Variants in ROBO2 observed in about 807,000 individuals in gnomAD.
ROBO2 encodes the protein roundabout homolog 2.
ROBO2 carries 53 observed loss-of-function variants against 160.8 expected under a neutral mutation model. The observed-to-expected ratio is 0.33, with a 90% CI of 0.26 to 0.41. The LOEUF is 0.41. Among genes scored for constraint, ROBO2 ranks in the 10% least tolerant of loss-of-function variants. ROBO2 has a pLI of 1.00. For missense variants in ROBO2, 1,577 were observed against 1,722.4 expected (o/e 0.92, Z 1.49); for synonymous variants, 664 against 611.7 (o/e 1.09, Z -1.26).
intron 2 of ROBO2, among the ~76,000 whole-genome samples, chr3:77,210,788 T>C (rs2084037662): frequency 6.6e-6 from 1 of 151,284 alleles, no homozygotes; most frequent in Non-Finnish European, 1.5e-5. Context: ...CCTTCCTGTG[T>C]CCATGAGTTC....
chr3:76,281,662 G>A (rs771398581), intron 2 of ROBO2, among the ~76,000 whole-genome samples: 5 of 151,728 alleles, frequency 3.3e-5, no homozygotes, highest in South Asian at 2.1e-4. Flanking sequence ...CTTAGATACC[G>A]GACAAAATTC....
intron 6 of ROBO2, among the ~76,000 whole-genome samples, chr3:77,541,901 T>C (rs1185085761): frequency 1.3e-5 from 2 of 152,158 alleles, no homozygotes; most frequent in African/African-American, 4.8e-5. Context: ...TTAATTCACA[T>C]TGGGTTTAAG....
chr3:76,364,820 A>G (rs2075719409), intron 2 of ROBO2, among the ~76,000 whole-genome samples: 1 of 152,030 alleles, frequency 6.6e-6, no homozygotes, highest in African/African-American at 2.4e-5. Context: ...CTTTTACAAT[A>G]TCTTTTTTAA....
chr3:76,381,646 G>T (rs1040649439), intron 2 of ROBO2, among the ~76,000 whole-genome samples: 1 of 152,070 alleles, frequency 6.6e-6, no homozygotes, highest in Non-Finnish European at 1.5e-5. Context: ...ACTGTGCCCC[G>T]CCTATTATTA....
chr3:76,307,392 G>A (rs543478211), intron 2 of ROBO2, among the ~76,000 whole-genome samples: 1 of 152,034 alleles, frequency 6.6e-6, no homozygotes, highest in South Asian at 2.1e-4. Context: ...ATTCTTTATG[G>A]CCTGCATTAA....
At chr3:77,031,669 A>G (rs2063334114) in intron 2 of ROBO2, among the ~76,000 whole-genome samples, 1 of 146,902 alleles carries the variant, frequency 6.8e-6, no homozygotes, top group African/African-American at 2.5e-5. Flanking sequence ...AATATATAAT[A>G]TATTAAATTT....
At chr3:77,023,144 C>T (rs1027526591) in intron 2 of ROBO2, among the ~76,000 whole-genome samples, 2 of 152,146 alleles carry the variant, frequency 1.3e-5, no homozygotes, top group Admixed American at 6.5e-5. Flanking sequence ...ATCATGAGGG[C>T]CAGTCTTTCC....
intron 2 of ROBO2, among the ~76,000 whole-genome samples, chr3:76,090,391 A>G (rs1477472687): frequency 2.0e-5 from 3 of 152,206 alleles, no homozygotes; most frequent in African/African-American, 7.2e-5. Flanking sequence ...ATGCCACCGC[A>G]CTCCAGCCTG....
chr3:76,814,593 GT>G (rs67452718), intron 2 of ROBO2, among the ~76,000 whole-genome samples: 2 of 151,452 alleles, frequency 1.3e-5, no homozygotes, highest in East Asian at 2.0e-4. Flanking sequence ...AAAAGGATCG[GT>G]TTTTTTTGTC....
At chr3:76,891,907 G>A (rs1404880848) in intron 2 of ROBO2, among the ~76,000 whole-genome samples, 1 of 152,144 alleles carries the variant, frequency 6.6e-6, no homozygotes, top group Non-Finnish European at 1.5e-5. Context: ...AGTGGTTCGA[G>A]TTCTAGAAAG....
chr3:77,516,877 T>C (rs1019938012), intron 5 of ROBO2, among the ~76,000 whole-genome samples: 1 of 151,658 alleles, frequency 6.6e-6, no homozygotes, highest in Non-Finnish European at 1.5e-5. Flanking sequence ...GTAACCATGC[T>C]ATAAAGAAGT....
chr3:76,910,822 A>T (rs1450236021), intron 2 of ROBO2, among the ~76,000 whole-genome samples: 1 of 151,920 alleles, frequency 6.6e-6, no homozygotes, highest in Non-Finnish European at 1.5e-5. Context: ...GGAAGCATTA[A>T]TCATTAAAAT....
chr3:77,618,967 A>T (rs938431823), intron 22 of ROBO2, among the ~76,000 whole-genome samples: 2 of 152,178 alleles, frequency 1.3e-5, no homozygotes, highest in Admixed American at 1.3e-4. Context: ...CAGTTTGGTC[A>T]TCTAAAGCAC....
At chr3:77,214,933 G>T (rs1315737905) in intron 2 of ROBO2, among the ~76,000 whole-genome samples, 2 of 151,196 alleles carry the variant, frequency 1.3e-5, no homozygotes, top group Non-Finnish European at 2.9e-5. Flanking sequence ...CTTGTAGAGT[G>T]TCTGCCGAGA....
intron 1 of ROBO2, among the ~76,000 whole-genome samples, chr3:75,929,307 A>G (rs1454484101): frequency 6.6e-6 from 1 of 152,054 alleles, no homozygotes; most frequent in African/African-American, 2.4e-5. Flanking sequence ...AGGAATTGTG[A>G]AGAAAGGTGC....
chr3:76,184,541 G>GGAGA (rs1259031891), intron 2 of ROBO2, among the ~76,000 whole-genome samples: 1 of 126,892 alleles, frequency 7.9e-6, no homozygotes, highest in African/African-American at 3.0e-5. Flanking sequence ...AGAACAAATA[G>GGAGA]GAGATAGATA....
chr3:77,257,585 G>A (rs2058504158), intron 2 of ROBO2, among the ~76,000 whole-genome samples: 1 of 152,190 alleles, frequency 6.6e-6, no homozygotes, highest in Non-Finnish European at 1.5e-5. Flanking sequence ...TTTAGGAAGT[G>A]CAAATAGTCA....
At chr3:77,489,088 C>A (rs545670706) in intron 4 of ROBO2, among the ~76,000 whole-genome samples, 206 of 152,246 alleles carry the variant, frequency 1.4e-3, no homozygotes, top group Non-Finnish European at 1.8e-3. Context: ...TATGGAAATT[C>A]TCAGAATAAT....
At chr3:77,347,427 C>G (rs982244812) in intron 2 of ROBO2, among the ~76,000 whole-genome samples, 6 of 151,862 alleles carry the variant, frequency 4.0e-5, no homozygotes, top group Non-Finnish European at 7.4e-5. Context: ...TCTTTCCTTC[C>G]CTCTTACCGT....
Sources: allele counts gnomAD v4.1 joint callset (sites outside exome capture counted in the v4.1 genomes callset), GRCh38; gene constraint gnomAD v4.1.1; transcripts MANE v1.5; gene names NCBI Gene and HGNC (gene_info 2026-07-23, HGNC 2026-07-21).